The following MCOLN2 variants were observed in gnomAD, a reference collection of about 807,000 sequenced individuals.
MCOLN2 encodes mucolipin TRP cation channel 2.
In MCOLN2, 57 loss-of-function variants were observed where a neutral mutation model predicts 67.5. That is an observed-to-expected ratio of 0.84 (90% CI 0.68 to 1.05). The LOEUF (loss-of-function observed/expected upper bound fraction) is 1.05. Among genes scored for constraint, MCOLN2 ranks in the 50% least tolerant of loss-of-function variants. The pLI is 0.00. For synonymous variants in MCOLN2, 246 were observed against 233.3 expected (o/e 1.05, Z -0.50); for missense variants, 620 against 678.8 (o/e 0.91, Z 0.96).
intron 1 of MCOLN2, among the ~76,000 whole-genome samples, chr1:84,974,677 C>G (rs1328383358): frequency 6.6e-6 from 1 of 152,060 alleles, no homozygotes; most frequent in Non-Finnish European, 1.5e-5. Context: ...GCCTCTGAGA[C>G]TTGCTGGCTT....
rs944662400 is a variant in MCOLN2, at chr1:84,925,953, G to C, written c.*732C>G. ...CACCCAGGCTGGAGTGTAGTGGCAC[G>C]ATCATGGCTCATGGCAGCCTCCACC... On this transcript the variant is annotated 3_prime_UTR_variant, in exon 14 of 14. Transcript: ENST00000370608. The C allele has an allele frequency of 2.6e-5, 4 of 151,660 alleles. No individual in the cohort carries two copies. The highest frequency in any genetic ancestry group is 5.9e-5 in the Non-Finnish European group (4 of 68,142). 9.4% of individuals were successfully genotyped at this position (151,660 alleles called of 1,614,324 possible). A position where few individuals can be genotyped will look rare whatever the true frequency, so the allele number is the denominator to read the frequency against.
intron 1 of MCOLN2, among the ~76,000 whole-genome samples, chr1:84,977,746 T>C (rs990694330): frequency 6.6e-6 from 1 of 152,126 alleles, no homozygotes. Flanking sequence ...AGAAAGCAAA[T>C]ATTATTAGAG....
intron 7 of MCOLN2, among the ~76,000 whole-genome samples, chr1:84,943,464 G>A (rs1431196548): frequency 6.6e-6 from 1 of 152,078 alleles, no homozygotes; most frequent in African/African-American, 2.4e-5. Context: ...GAATGGGATG[G>A]AGCAGAAAGG....
intron 1 of MCOLN2, among the ~76,000 whole-genome samples, chr1:84,987,257 A>G (rs562411862): frequency 5.2e-4 from 23 of 44,188 alleles, no homozygotes; most frequent in African/African-American, 1.2e-3. Context: ...ATATAGATAT[A>G]CATATAGATG....
intron 6 of MCOLN2, among the ~76,000 whole-genome samples, chr1:84,948,976 C>A (rs879613124): frequency 2.0e-5 from 3 of 152,000 alleles, no homozygotes; most frequent in South Asian, 2.1e-4. Context: ...ATAGAAAATA[C>A]AAAATTAGCT....
intron 11 of MCOLN2, among the ~76,000 whole-genome samples, chr1:84,935,516 TG>T (rs1342297867): frequency 1.3e-5 from 2 of 152,232 alleles, no homozygotes; most frequent in African/African-American, 4.8e-5. Context: ...AATTGAGACG[TG>T]CTATGTGGAT....
Position 84,926,722 on chromosome 1 carries a change from C to T in MCOLN2, c.1665-1G>A. ...TATCAAGTGATCATCACTTCTTTTC[C>T]TGTAACAGAAAGGGAAAGAAGAAAA... On this transcript the variant is annotated splice_acceptor_variant, in intron 13 of 13. Coordinates refer to ENST00000370608, the MANE Select transcript of MCOLN2 (RefSeq NM_153259.4). LOFTEE classifies it high-confidence loss of function. 6.3e-7 allele frequency: 1 copy of T among 1,592,000 alleles called. No individual in the cohort carries two copies. The highest frequency in any genetic ancestry group is 2.3e-5 in the East Asian group (1 of 44,278).
chr1:84,956,992 A>G (rs1016550467), intron 3 of MCOLN2, among the ~76,000 whole-genome samples: 4 of 151,662 alleles, frequency 2.6e-5, no homozygotes, highest in African/African-American at 4.9e-5. Context: ...CGGTTTACTC[A>G]CTCCTTCAGC....
chr1:84,969,458 C>A (rs1449564913), intron 1 of MCOLN2, among the ~76,000 whole-genome samples: 1 of 151,714 alleles, frequency 6.6e-6, no homozygotes, highest in African/African-American at 2.4e-5. Context: ...GTAATCCCAG[C>A]TACTTCGGAG....
intron 3 of MCOLN2, 91 bp from the exon 4 acceptor site, chr1:84,956,675 T>G: frequency 9.0e-7 from 1 of 1,107,982 alleles, no homozygotes; most frequent in Non-Finnish European, 1.3e-6. Context: ...TCAGTTACTT[T>G]GTATTGTTTA....
At chr1:84,994,948 T>TA (rs1651075141) in intron 1 of MCOLN2, among the ~76,000 whole-genome samples, 1 of 152,198 alleles carries the variant, frequency 6.6e-6, no homozygotes. Flanking sequence ...CTCAAACACT[T>TA]AGAGACCACT....
At chr1:84,934,280 T>G (rs1249250093) in intron 11 of MCOLN2, among the ~76,000 whole-genome samples, 2 of 152,188 alleles carry the variant, frequency 1.3e-5, no homozygotes, top group Non-Finnish European at 2.9e-5. Context: ...CAATGTTGGG[T>G]GCACAGTAGA....
At chr1:84,965,428 T>C in intron 2 of MCOLN2, 121 bp downstream of exon 2, 1 of 1,010,548 alleles carries the variant, frequency 9.9e-7, no homozygotes, top group Non-Finnish European at 1.4e-6. Flanking sequence ...AGAGTCAATA[T>C]AATTTTAGTT....
chr1:84,978,706 A>G (rs902445621), intron 1 of MCOLN2, among the ~76,000 whole-genome samples: 1 of 152,186 alleles, frequency 6.6e-6, no homozygotes, highest in Non-Finnish European at 1.5e-5. Flanking sequence ...TGTAACAGGA[A>G]GTCTCCCAGC....
chr1:84,945,265 G>A (rs540775648), intron 7 of MCOLN2, among the ~76,000 whole-genome samples: 1 of 152,258 alleles, frequency 6.6e-6, no homozygotes, highest in Admixed American at 6.5e-5. Flanking sequence ...CCATCATTTT[G>A]ATCTTTATAA....
chr1:84,972,801 T>C (rs1468590856), intron 1 of MCOLN2, among the ~76,000 whole-genome samples: 1 of 152,234 alleles, frequency 6.6e-6, no homozygotes, highest in South Asian at 2.1e-4. Context: ...ATGTCAGTGA[T>C]TCTTAACCTT....
intron 1 of MCOLN2, among the ~76,000 whole-genome samples, chr1:84,973,317 A>G (rs1245286944): frequency 1.3e-5 from 2 of 152,098 alleles, no homozygotes; most frequent in African/African-American, 4.8e-5. Flanking sequence ...TCTCCACAAA[A>G]ACTTTTTAAA....
intron 7 of MCOLN2, among the ~76,000 whole-genome samples, chr1:84,942,896 G>A (rs1352951586): frequency 6.6e-6 from 1 of 152,080 alleles, no homozygotes; most frequent in Admixed American, 6.5e-5. Flanking sequence ...ACTCCACAGA[G>A]ACTCCCAACC....
At chr1:84,952,579 T>TTTA in intron 4 of MCOLN2, 49 bp from the exon 5 acceptor site, 4 of 1,196,142 alleles carry the variant, frequency 3.3e-6, no homozygotes, top group Non-Finnish European at 5.0e-6. Context: ...AAGAATTAGG[T>TTTA]GCTAAAACTA....
Sources: allele counts gnomAD v4.1 joint callset (sites outside exome capture counted in the v4.1 genomes callset), GRCh38; gene constraint gnomAD v4.1.1; transcripts MANE v1.5; gene names NCBI Gene and HGNC (gene_info 2026-07-23, HGNC 2026-07-21).